Variants in SLC35F4 observed in about 807,000 individuals in gnomAD.
SLC35F4 encodes chromosome 14 open reading frame 36.
In SLC35F4, 24 loss-of-function variants were observed where a neutral mutation model predicts 44.2. The observed-to-expected ratio is 0.54, with a 90% CI of 0.39 to 0.76. SLC35F4 has a LOEUF of 0.76. SLC35F4 is among the 30% of genes least tolerant of loss of function. The probability of loss-of-function intolerance (pLI) is 0.00; values close to 1 mark genes in which losing one functional copy is unlikely to be tolerated. For missense variants in SLC35F4, 562 were observed against 586.1 expected (o/e 0.96, Z 0.42); for synonymous variants, 238 against 223.6 (o/e 1.06, Z -0.57).
intron 1 of SLC35F4, among the ~76,000 whole-genome samples, chr14:57,761,801 A>C (rs2077131422): frequency 6.6e-6 from 1 of 152,194 alleles, no homozygotes. Flanking sequence ...AGAATACAAT[A>C]ACACAAATGT....
chr14:57,835,588 C>T (rs1048826538), intron 1 of SLC35F4, among the ~76,000 whole-genome samples: 9 of 152,298 alleles, frequency 5.9e-5, no homozygotes, highest in African/African-American at 2.2e-4. Context: ...AGCAAAAGGA[C>T]TCTATAACAT....
At chr14:57,668,799 A>T (rs1447603203) in intron 1 of SLC35F4, among the ~76,000 whole-genome samples, 1 of 152,124 alleles carries the variant, frequency 6.6e-6, no homozygotes, top group Admixed American at 6.5e-5. Context: ...CTTAGGATTG[A>T]CTTGGCGATG....
chr14:57,759,300 C>T (rs992683145), intron 1 of SLC35F4, among the ~76,000 whole-genome samples: 4 of 152,072 alleles, frequency 2.6e-5, no homozygotes, highest in African/African-American at 9.7e-5. Context: ...TTTTGAGGGG[C>T]TGGGCATGGT....
chr14:57,916,058 A>T (rs1390423761), intron 1 of SLC35F4, among the ~76,000 whole-genome samples: 1 of 152,200 alleles, frequency 6.6e-6, no homozygotes, highest in Non-Finnish European at 1.5e-5. Flanking sequence ...TTTATAAAGA[A>T]AAGAAATTTA....
intron 1 of SLC35F4, among the ~76,000 whole-genome samples, chr14:57,706,795 G>A (rs2075687205): frequency 6.6e-6 from 1 of 152,146 alleles, no homozygotes; most frequent in Non-Finnish European, 1.5e-5. Context: ...ATGAATACAA[G>A]ATGAGGCTGG....
chr14:57,616,006 C>T lies in SLC35F4; in HGVS notation c.104-21882G>A, dbSNP rs531697888. ...TACATTTAAAATTGGAAAATAACTA[C>T]CATTTCTTTATATCAAGCTCTTACT... is the stretch of plus-strand genomic sequence containing the variant. On this transcript the variant is annotated intron_variant, in intron 1 of 7. Coordinates refer to ENST00000556826, the MANE Select transcript of SLC35F4 (RefSeq NM_001306087.2). 4.5e-4 allele frequency among the ~76,000 whole-genome samples: 69 copies of T among 152,246 alleles called. 1 individual carries two copies. The South Asian group carries it at 0.014, about 30-fold the overall frequency.
chr14:57,569,538 A>C (rs1001266307), intron 6 of SLC35F4, among the ~76,000 whole-genome samples: 1 of 152,254 alleles, frequency 6.6e-6, no homozygotes, highest in Non-Finnish European at 1.5e-5. Context: ...ATTGAAGGCC[A>C]GTGGTATACA....
At chr14:57,920,510 C>T (rs979166908) in intron 1 of SLC35F4, among the ~76,000 whole-genome samples, 2 of 152,106 alleles carry the variant, frequency 1.3e-5, no homozygotes, top group Admixed American at 6.5e-5. Context: ...GAGCTCAAGG[C>T]TGCAATGAGC....
At chr14:57,594,243 G>T (rs1227715706) in intron 1 of SLC35F4, 119 bp from the exon 2 acceptor site, 9 of 999,222 alleles carry the variant, frequency 9.0e-6, no homozygotes, top group Non-Finnish European at 1.3e-5. Flanking sequence ...AGGCTAGAGT[G>T]CAGTGGTGTG....
chr14:57,717,617 CAG>C (rs572345541), intron 1 of SLC35F4, among the ~76,000 whole-genome samples: 233 of 152,334 alleles, frequency 1.5e-3, no homozygotes, highest in Non-Finnish European at 2.9e-3. Context: ...GCCTGGGCGA[CAG>C]AGCGAGACTC....
chr14:57,902,828 T>C (rs1348778672), intron 1 of SLC35F4, among the ~76,000 whole-genome samples: 1 of 152,176 alleles, frequency 6.6e-6, no homozygotes, highest in Non-Finnish European at 1.5e-5. Context: ...GCCATCTGCA[T>C]GGAAAGCTCT....
chr14:57,812,094 GCAACAGTGA>G (rs774451019), intron 1 of SLC35F4, among the ~76,000 whole-genome samples: 1 of 152,184 alleles, frequency 6.6e-6, no homozygotes, highest in Non-Finnish European at 1.5e-5. Flanking sequence ...CACCAGTGGA[GCAACAGTGA>G]CACTAGCTAA....
intron 1 of SLC35F4, among the ~76,000 whole-genome samples, chr14:57,652,695 A>G (rs1196827269): frequency 6.6e-6 from 1 of 151,980 alleles, no homozygotes; most frequent in Non-Finnish European, 1.5e-5. Context: ...AGTAACCCCC[A>G]CACAAAGATC....
intron 1 of SLC35F4, among the ~76,000 whole-genome samples, chr14:57,729,712 C>T (rs950650110): frequency 2.6e-5 from 4 of 152,164 alleles, no homozygotes; most frequent in African/African-American, 9.7e-5. Flanking sequence ...ATGCCAGCTG[C>T]TGTCTCCCTA....
At chr14:57,581,523 CACAA>C (rs2069257814) in intron 3 of SLC35F4, 90 bp from the exon 4 acceptor site, 1 of 1,110,522 alleles carries the variant, frequency 9.0e-7, no homozygotes, top group Admixed American at 2.4e-5. Flanking sequence ...CAGGTAAGAG[CACAA>C]ACACTCAATA....
chr14:57,817,882 G>A (rs572663542), intron 1 of SLC35F4, among the ~76,000 whole-genome samples: 1 of 152,250 alleles, frequency 6.6e-6, no homozygotes, highest in South Asian at 2.1e-4. Context: ...AAGGATTTAA[G>A]TGCTGCTGGA....
Position 57,572,019 on chromosome 14 carries a change from T to C in SLC35F4, c.808A>G (p.Ile270Val). 2 of 1,608,666 alleles carry C rather than the reference T, an allele frequency of 1.2e-6. No homozygotes were observed. The highest frequency in any genetic ancestry group is 1.7e-6 in the Non-Finnish European group (2 of 1,177,224). ...GTAATTGCCATTATTGCAGCAACTA[T>C]CTGTCAAATAGGATGCAAAGAAACA... is the stretch of plus-strand genomic sequence containing the variant. ...VLKDRFMGVR[I>V]VAAIMAITGI... Residue 270 changes from isoleucine to valine, a missense_variant and splice_region_variant, in exon 5 of 8, where the codon ATA (isoleucine) becomes GTA (valine). Transcript: ENST00000556826.
At chr14:57,944,379 C>T (rs1216776000) in intron 1 of SLC35F4, among the ~76,000 whole-genome samples, 1 of 152,148 alleles carries the variant, frequency 6.6e-6, no homozygotes, top group Non-Finnish European at 1.5e-5. Flanking sequence ...ATAGTCCTAT[C>T]AAGCACTCCC....
chr14:57,815,050 T>G (rs1882409297), intron 1 of SLC35F4, among the ~76,000 whole-genome samples: 1 of 152,214 alleles, frequency 6.6e-6, no homozygotes, highest in Non-Finnish European at 1.5e-5. Flanking sequence ...ATGTATTGTC[T>G]ATAACTGCTT....
Sources: allele counts gnomAD v4.1 joint callset (sites outside exome capture counted in the v4.1 genomes callset), GRCh38; gene constraint gnomAD v4.1.1; transcripts MANE v1.5; gene names NCBI Gene and HGNC (gene_info 2026-07-23, HGNC 2026-07-21).